Variants in DOCK1 observed in about 807,000 individuals in gnomAD.
DOCK1 encodes the protein dedicator of cytokinesis 1.
A neutral mutation model predicts 262.7 loss-of-function variants in DOCK1; 138 were observed. That is an observed-to-expected ratio of 0.53 (90% confidence interval 0.46 to 0.61). The LOEUF is 0.61. Ranked by LOEUF, DOCK1 falls within the 20% of genes least tolerant of loss-of-function variation. The pLI is 0.00. For synonymous variants in DOCK1, 866 were observed against 867.4 expected (o/e 1.00, Z 0.03); for missense variants, 1,908 against 2,370.7 (o/e 0.80, Z 4.05).
At chr10:127,019,089 G>A (rs551085536) in intron 13 of DOCK1, 233 of 473,810 alleles carry the variant, frequency 4.9e-4, no homozygotes, top group African/African-American at 4.0e-3. Context: ...GGGGGCGTGG[G>A]CACCCAGCAA....
intron 6 of DOCK1, 51 bp downstream of exon 6, chr10:126,990,654 C>T: frequency 6.3e-7 from 1 of 1,591,366 alleles, no homozygotes; most frequent in Middle Eastern, 1.7e-4. Context: ...AATGTAATAA[C>T]ATCACTATAA....
chr10:127,299,415 G>A lies in DOCK1; in HGVS notation c.3045-39591G>A, dbSNP rs1307239535. Among the ~76,000 whole-genome samples the A allele has an allele frequency of 2.0e-5, 3 of 152,166 alleles. No individual in the cohort carries two copies. In the East Asian group the frequency reaches 5.8e-4, roughly 29 times the overall value. ...CGCCGCGCCCGGCCAAGAAGGGTGGGCTCTTAATCCAATGGCTGGTCTCTT... is the reference window on the plus strand; with the variant it reads ...CGCCGCGCCCGGCCAAGAAGGGTGGACTCTTAATCCAATGGCTGGTCTCTT... On this transcript the variant is annotated intron_variant, in intron 29 of 51. Transcript: ENST00000623213.
At chr10:126,933,614 G>A (rs1478892688) in intron 1 of DOCK1, among the ~76,000 whole-genome samples, 1 of 152,128 alleles carries the variant, frequency 6.6e-6, no homozygotes, top group Non-Finnish European at 1.5e-5. Flanking sequence ...AGTGCCCTGA[G>A]TCAGCCCCCC....
chr10:127,387,954 G>A (rs2066231890), intron 38 of DOCK1, among the ~76,000 whole-genome samples: 1 of 151,876 alleles, frequency 6.6e-6, no homozygotes. Context: ...AATGTGTTCG[G>A]TTCAGTACAG....
chr10:127,066,848 C>G (rs1455297112), intron 23 of DOCK1, among the ~76,000 whole-genome samples: 2 of 152,244 alleles, frequency 1.3e-5, no homozygotes, highest in Non-Finnish European at 2.9e-5. Context: ...CCTTAATTAA[C>G]CTACCCAAGG....
intron 27 of DOCK1, chr10:127,146,099 ACT>A: frequency 2.0e-6 from 1 of 509,616 alleles, no homozygotes. Context: ...AAATCTCCAT[ACT>A]CATCTAAACA....
intron 31 of DOCK1, among the ~76,000 whole-genome samples, chr10:127,353,667 G>A (rs1443372741): frequency 6.6e-6 from 1 of 152,182 alleles, no homozygotes; most frequent in Admixed American, 6.5e-5. Flanking sequence ...AGCACTGTGG[G>A]CCAAGGCGCA....
At chr10:127,097,484 A>G (rs1452278294) in intron 23 of DOCK1, among the ~76,000 whole-genome samples, 1 of 152,074 alleles carries the variant, frequency 6.6e-6, no homozygotes. Context: ...GGGAGCCCTT[A>G]TGCATTTGGT....
At chr10:127,283,214 C>T (rs1300279494) in intron 29 of DOCK1, among the ~76,000 whole-genome samples, 1 of 152,226 alleles carries the variant, frequency 6.6e-6, no homozygotes, top group Admixed American at 6.5e-5. Flanking sequence ...GCTTCCACAC[C>T]CTCACTCTTG....
rs573180413 is a variant in DOCK1, at chr10:127,404,309, T to G, written c.4018-16T>G. 6.2e-7 allele frequency: 1 copy of G among 1,607,930 alleles called. No homozygotes were observed. Among genetic ancestry groups the G allele is most frequent in the South Asian group, 1.1e-5 (1 of 89,694 alleles). On this transcript the variant is annotated splice_polypyrimidine_tract_variant and intron_variant, in intron 39 of 51. Coordinates refer to ENST00000623213, the MANE Select transcript of DOCK1 (RefSeq NM_001290223.2). ...GAATACTCAAACCTGAAATGCATTT[T>G]CTTTTTTCCTTCCAGAAAAAACAGG...
rs187620474 is a variant in DOCK1 at position 127,175,019 on chromosome 10, T to A, written c.2847+47255T>A. On this transcript the variant is annotated intron_variant, in intron 27 of 51. Transcript: ENST00000623213. This position sits in a 1 kb window ranked among gnomAD's most constrained non-coding sequence, Gnocchi z 6.3. ...AGATGAACATTAACCAGAAAGCGTA[T>A]CGTGCAGGATGCAGTGACGTCTAGT... 8.5e-5 allele frequency among the ~76,000 whole-genome samples: 13 copies of A among 152,302 alleles called. No homozygotes were observed. The East Asian group carries it at 2.1e-3, about 25-fold the overall frequency.
chr10:127,352,739 T>C (rs1049529218), intron 31 of DOCK1, among the ~76,000 whole-genome samples: 4 of 152,108 alleles, frequency 2.6e-5, no homozygotes, highest in Non-Finnish European at 4.4e-5. Flanking sequence ...ATTACAGACA[T>C]GTGCCACCAC....
At chr10:127,398,451 G>A (rs142147059) in intron 38 of DOCK1, among the ~76,000 whole-genome samples, 1 of 152,180 alleles carries the variant, frequency 6.6e-6, no homozygotes, top group Non-Finnish European at 1.5e-5. Context: ...GCAAAGAACG[G>A]ACTGAACGCA....
chr10:127,209,642 T>G (rs1272350486), intron 27 of DOCK1, among the ~76,000 whole-genome samples: 4 of 152,196 alleles, frequency 2.6e-5, no homozygotes, highest in African/African-American at 9.6e-5. Flanking sequence ...GCCTTTCATT[T>G]GTAAATGATG....
At chr10:127,273,055 A>C (rs2060626363) in intron 29 of DOCK1, among the ~76,000 whole-genome samples, 1 of 152,152 alleles carries the variant, frequency 6.6e-6, no homozygotes, top group South Asian at 2.1e-4. Context: ...ACACAGCCAA[A>C]CCATATCAAC....
intron 42 of DOCK1, among the ~76,000 whole-genome samples, chr10:127,410,407 G>A (rs1009851863): frequency 2.0e-5 from 3 of 152,182 alleles, no homozygotes; most frequent in African/African-American, 4.8e-5. Context: ...CTCGTACCCC[G>A]ACCGCGGAGG....
intron 23 of DOCK1, among the ~76,000 whole-genome samples, chr10:127,082,549 G>A (rs1243004101): frequency 6.6e-6 from 1 of 152,048 alleles, no homozygotes; most frequent in Admixed American, 6.5e-5. Context: ...ACTGTCATGA[G>A]AACAGCATGG....
chr10:127,111,459 G>A (rs909583626), intron 25 of DOCK1, among the ~76,000 whole-genome samples: 1 of 152,084 alleles, frequency 6.6e-6, no homozygotes, highest in African/African-American at 2.4e-5. Context: ...ACCATGGTCT[G>A]GGACTCAAAG....
At chr10:127,097,469 T>A (rs2047980485) in intron 23 of DOCK1, among the ~76,000 whole-genome samples, 1 of 152,316 alleles carries the variant, frequency 6.6e-6, no homozygotes. Flanking sequence ...GCTCAATGAA[T>A]GGTTGGGAGC....
Sources: gnomAD v4.1 joint callset for allele counts (sites outside exome capture counted in the v4.1 genomes callset) on GRCh38, gnomAD v4.1.1 for gene constraint, Gnocchi (gnomAD v3.1) non-coding constraint, MANE v1.5 for transcripts, NCBI Gene and HGNC (gene_info 2026-07-23, HGNC 2026-07-21) for gene names.